Variants in GRID2 observed in about 807,000 individuals in gnomAD.
GRID2 encodes glutamate receptor ionotropic, delta-2.
Under a neutral mutation model 114.8 loss-of-function variants are expected in GRID2, and 33 were observed. That is an observed-to-expected ratio of 0.29 (90% CI 0.22 to 0.38). The LOEUF is 0.38. Ranked by LOEUF, GRID2 falls within the 10% of genes least tolerant of loss-of-function variation. The pLI is 1.00. For synonymous variants in GRID2, 505 were observed against 449.9 expected, an observed-to-expected ratio of 1.12 and a Z score of -1.55; for missense variants, 1,184 against 1,257.7, an observed-to-expected ratio of 0.94 and a Z score of 0.89.
intron 4 of GRID2, among the ~76,000 whole-genome samples, chr4:93,170,108 G>A (rs542773123): frequency 6.6e-6 from 1 of 152,038 alleles, no homozygotes; most frequent in Admixed American, 6.6e-5. Context: ...TAAGACAGAG[G>A]TTTCACTCCT....
intron 14 of GRID2, among the ~76,000 whole-genome samples, chr4:93,638,493 A>G (rs1721640180): frequency 6.7e-5 from 2 of 30,048 alleles, no homozygotes; most frequent in Non-Finnish European, 1.2e-4. Context: ...AGAGTGTGAT[A>G]TTCCCCTTCC....
intron 1 of GRID2, among the ~76,000 whole-genome samples, chr4:92,350,443 T>C (rs1329419405): frequency 6.6e-6 from 1 of 151,872 alleles, no homozygotes; most frequent in East Asian, 1.9e-4. Context: ...AAAAGTTTTC[T>C]TGAATTATAA....
intron 2 of GRID2, among the ~76,000 whole-genome samples, chr4:92,980,200 A>G (rs551584986): frequency 2.0e-5 from 3 of 152,116 alleles, no homozygotes; most frequent in South Asian, 2.1e-4. Flanking sequence ...AGTTTTGTAG[A>G]TTCTTGATTT....
Position 92,999,259 on chromosome 4 carries a change from C to G in GRID2, c.245-85736C>G, listed in dbSNP as rs557792633. Among the ~76,000 whole-genome samples the G allele has an allele frequency of 2.8e-4, 42 of 151,788 alleles. 1 individual carries two copies. Among genetic ancestry groups the G allele is most frequent in the Non-Finnish European group, 5.5e-4 (37 of 67,832 alleles). On this transcript the variant is annotated intron_variant, in intron 2 of 15. Coordinates refer to ENST00000282020, the MANE Select transcript of GRID2 (RefSeq NM_001510.4). ...AACATGTATGACATTTGTAATTGCA[C>G]CATGTATAGAACTTTGTCTTCATTT...
chr4:92,682,357 C>T (rs961802479), intron 2 of GRID2, among the ~76,000 whole-genome samples: 2 of 152,160 alleles, frequency 1.3e-5, no homozygotes, highest in Non-Finnish European at 2.9e-5. Context: ...ACCAATGGCT[C>T]TCTGTATGGT....
chr4:92,799,595 T>C (rs1159602632), intron 2 of GRID2, among the ~76,000 whole-genome samples: 1 of 152,026 alleles, frequency 6.6e-6, no homozygotes, highest in African/African-American at 2.4e-5. Context: ...CATCTCTTTT[T>C]TATACATTTC....
chr4:92,377,710 A>C (rs1438171938), intron 1 of GRID2, among the ~76,000 whole-genome samples: 1 of 152,172 alleles, frequency 6.6e-6, no homozygotes, highest in Non-Finnish European at 1.5e-5. Flanking sequence ...GAAGGCAAGG[A>C]GGAGCAAGTC....
At chr4:92,877,103 A>T (rs911176971) in intron 2 of GRID2, among the ~76,000 whole-genome samples, 7 of 152,252 alleles carry the variant, frequency 4.6e-5, no homozygotes, top group African/African-American at 1.7e-4. Context: ...CTCCATTAAA[A>T]GAACTTCATG....
In GRID2 at chr4:93,515,132, C is replaced by CT. The variant is rs879142020; in HGVS notation, c.1998-75dup. 3.3e-3 allele frequency: 1,761 copies of CT among 526,894 alleles called. 9 individuals are homozygous for CT. Among genetic ancestry groups the CT allele is most frequent in the South Asian group, 0.025 (517 of 20,710 alleles). The allele number at this position is 526,894 out of a possible 1,614,324, so 32.6% of individuals were successfully genotyped here. Reference sequence around the variant, plus strand: ...TGATATATGTTTCCACACATATTGCCTTTTTTTTTCTTTTAACTTTATTCC... The same window carrying CT: ...TGATATATGTTTCCACACATATTGCCTTTTTTTTTTCTTTTAACTTTATTCC... On this transcript the variant is annotated intron_variant, in intron 12 of 15. Transcript: ENST00000282020.
intron 2 of GRID2, among the ~76,000 whole-genome samples, chr4:92,721,145 G>A (rs1159077198): frequency 1.3e-5 from 2 of 152,076 alleles, no homozygotes; most frequent in African/African-American, 4.8e-5. Flanking sequence ...GTTGCCAAGG[G>A]TTCAGGGTGG....
chr4:92,610,041 A>C (rs935553315), intron 2 of GRID2, among the ~76,000 whole-genome samples: 1 of 151,654 alleles, frequency 6.6e-6, no homozygotes, highest in Non-Finnish European at 1.5e-5. Flanking sequence ...GCAGAGTTTT[A>C]GCTGGGTTTA....
At chr4:92,901,887 T>C (rs1488090472) in intron 2 of GRID2, among the ~76,000 whole-genome samples, 1 of 151,938 alleles carries the variant, frequency 6.6e-6, no homozygotes, top group Non-Finnish European at 1.5e-5. Flanking sequence ...CTTGGTATAA[T>C]GTGCTGGAGA....
intron 3 of GRID2, among the ~76,000 whole-genome samples, chr4:93,108,617 G>T (rs1424723011): frequency 6.8e-6 from 1 of 147,872 alleles, no homozygotes; most frequent in African/African-American, 2.5e-5. Flanking sequence ...TGTCTGCTCT[G>T]ACATGTATTT....
intron 1 of GRID2, among the ~76,000 whole-genome samples, chr4:92,477,275 G>A (rs979296600): frequency 6.6e-6 from 1 of 151,886 alleles, no homozygotes; most frequent in African/African-American, 2.4e-5. Context: ...AGATATTTAA[G>A]GTCTCAATGG....
chr4:93,595,166 C>T (rs575065304), intron 13 of GRID2, among the ~76,000 whole-genome samples: 1 of 152,326 alleles, frequency 6.6e-6, no homozygotes, highest in East Asian at 1.9e-4. Context: ...TCCAACTTGG[C>T]TTTCATCTTT....
At chr4:92,825,985 G>C (rs972606667) in intron 2 of GRID2, among the ~76,000 whole-genome samples, 1 of 152,116 alleles carries the variant, frequency 6.6e-6, no homozygotes, top group African/African-American at 2.4e-5. Context: ...CACTCCTTCA[G>C]TGAGTACTCA....
chr4:93,732,572 T>C (rs1163040838), intron 14 of GRID2, among the ~76,000 whole-genome samples: 4 of 152,140 alleles, frequency 2.6e-5, no homozygotes, highest in African/African-American at 4.8e-5. Context: ...TCCATGACTT[T>C]ATTGTTGAAT....
At chr4:92,743,340 CA>C (rs1307976815) in intron 2 of GRID2, among the ~76,000 whole-genome samples, 10 of 151,990 alleles carry the variant, frequency 6.6e-5, no homozygotes, top group African/African-American at 2.2e-4. Context: ...TGTTATAGGC[CA>C]TTATATTTTT....
At position 92,513,189 on chromosome 4, in the gene GRID2, A is replaced by G. The variant is rs188792348; in HGVS notation, c.89-76942A>G. ...AAGCTGACTCTTTCTTAATTAACCT[A>G]TTGCCCCTATCTTACCAATAGCATC... On this transcript the variant is annotated intron_variant, in intron 1 of 15. Transcript: ENST00000282020. Among the ~76,000 whole-genome samples the G allele has an allele frequency of 1.2e-3, 176 of 152,000 alleles. 1 individual carries two copies. The highest frequency in any genetic ancestry group is 3.9e-3 in the African/African-American group (160 of 41,534).
Sources: gnomAD v4.1 joint callset for allele counts (sites outside exome capture counted in the v4.1 genomes callset) on GRCh38, gnomAD v4.1.1 for gene constraint, MANE v1.5 for transcripts, NCBI Gene and HGNC (gene_info 2026-07-23, HGNC 2026-07-21) for gene names.